Variants in KHDRBS2 observed in about 807,000 individuals in gnomAD.
The protein encoded by KHDRBS2 is KH domain-containing, RNA-binding, signal transduction-associated protein 2.
Under a neutral mutation model 44.3 loss-of-function variants are expected in KHDRBS2, and 26 were observed. That is an observed-to-expected ratio of 0.59 (90% CI 0.43 to 0.81). The LOEUF is 0.81. Ranked by LOEUF, KHDRBS2 falls within the 40% of genes least tolerant of loss-of-function variation. KHDRBS2 has a pLI of 0.00. For missense variants in KHDRBS2, 476 were observed against 433.1 expected (o/e 1.10, Z -0.88); for synonymous variants, 194 against 151.1 (o/e 1.28, Z -2.08).
chr6:62,041,058 C>T (rs1296455934), intron 3 of KHDRBS2, among the ~76,000 whole-genome samples: 2 of 152,052 alleles, frequency 1.3e-5, no homozygotes, highest in African/African-American at 2.4e-5. Flanking sequence ...AGGCCAAGCA[C>T]GGTGGCTCAC....
intron 4 of KHDRBS2, among the ~76,000 whole-genome samples, chr6:61,974,611 G>A (rs1772122146): frequency 1.0e-5 from 1 of 99,952 alleles, no homozygotes. Context: ...GTGTTTTATT[G>A]ACCCTTGACA....
At chr6:62,100,641 A>C (rs774280294) in intron 2 of KHDRBS2, among the ~76,000 whole-genome samples, 8 of 152,210 alleles carry the variant, frequency 5.3e-5, no homozygotes, top group Non-Finnish European at 1.0e-4. Context: ...AACCAGCAAA[A>C]AGACTGACTC....
chr6:62,212,202 T>C (rs1319961867), intron 1 of KHDRBS2, among the ~76,000 whole-genome samples: 3 of 152,124 alleles, frequency 2.0e-5, no homozygotes, highest in Non-Finnish European at 4.4e-5. Flanking sequence ...CTATATATGT[T>C]ACATATATAG....
At chr6:62,087,774 T>C (rs1798682515) in intron 2 of KHDRBS2, among the ~76,000 whole-genome samples, 1 of 152,192 alleles carries the variant, frequency 6.6e-6, no homozygotes, top group African/African-American at 2.4e-5. Flanking sequence ...CTGGATAATA[T>C]CCTGAAGAGT....
the KHDRBS2 span, among the ~76,000 whole-genome samples, chr6:61,664,055 G>A: frequency 1.3e-5 from 2 of 151,736 alleles, no homozygotes; most frequent in Non-Finnish European, 2.9e-5. Context: ...CCAGTCAAAG[G>A]TGAAACTTGG....
the KHDRBS2 span, among the ~76,000 whole-genome samples, chr6:61,576,333 T>TA: frequency 3.6e-3 from 545 of 152,228 alleles, 4 homozygotes; most frequent in Middle Eastern, 6.8e-3. Flanking sequence ...GGTATATATA[T>TA]TTTTTGTAGC....
At chr6:62,163,003 G>A (rs1051956358) in intron 2 of KHDRBS2, among the ~76,000 whole-genome samples, 1 of 152,034 alleles carries the variant, frequency 6.6e-6, no homozygotes, top group African/African-American at 2.4e-5. Flanking sequence ...AAGTAAGTAA[G>A]TCTTGGAGAG....
the KHDRBS2 span, among the ~76,000 whole-genome samples, chr6:61,655,174 G>GGTCTGTA: frequency 1.3e-5 from 2 of 150,676 alleles, no homozygotes; most frequent in African/African-American, 4.9e-5. Flanking sequence ...GGAATAGGAA[G>GGTCTGTA]GTCTGTATTC....
At chr6:61,657,808 C>T in the KHDRBS2 span, among the ~76,000 whole-genome samples, 1 of 151,914 alleles carries the variant, frequency 6.6e-6, no homozygotes, top group South Asian at 2.1e-4. Flanking sequence ...TCCACCTGTC[C>T]TTCCTTCCCT....
In KHDRBS2 at chr6:62,169,088, C is replaced by A. The variant is rs1263983819; in HGVS notation, c.219+8097G>T. On this transcript the variant is annotated intron_variant, in intron 2 of 8. Coordinates refer to ENST00000281156, the MANE Select transcript of KHDRBS2 (RefSeq NM_152688.4). ...GTATACATGAATATAAATATATACACATTTATATTTATATATACACATATA... is the reference window on the plus strand; with the variant it reads ...GTATACATGAATATAAATATATACAAATTTATATTTATATATACACATATA... 2.6e-4 allele frequency among the ~76,000 whole-genome samples: 26 copies of A among 101,294 alleles called. 1 individual carries two copies. The highest frequency in any genetic ancestry group is 2.3e-3 in the Admixed American group (23 of 9,908). 66.5% of individuals were successfully genotyped at this position (101,294 alleles called of 152,430 possible). A position where few individuals can be genotyped will look rare whatever the true frequency, so the allele number is the denominator to read the frequency against.
Position 61,762,169 on chromosome 6 carries a change from T to G in KHDRBS2, c.811-29405A>C, listed in dbSNP as rs115667161. On this transcript the variant is annotated intron_variant, in intron 6 of 8. Coordinates refer to ENST00000281156, the MANE Select transcript of KHDRBS2 (RefSeq NM_152688.4). ...AGTATTCTATGAGAATAAAATAAAT[T>G]GAGAATTTGGGGAAATCCCCTAGAA... is the stretch of plus-strand genomic sequence containing the variant. Among the ~76,000 whole-genome samples, 673 of 152,238 alleles carry G rather than the reference T, an allele frequency of 4.4e-3. 9 individuals are homozygous for G. Among genetic ancestry groups the G allele is most frequent in the African/African-American group, 0.016 (646 of 41,548 alleles).
intron 2 of KHDRBS2, among the ~76,000 whole-genome samples, chr6:62,055,099 A>C (rs1789968376): frequency 6.6e-6 from 1 of 152,076 alleles, no homozygotes; most frequent in South Asian, 2.1e-4. Flanking sequence ...AATAACTGTA[A>C]AATAAAATTT....
the KHDRBS2 span, among the ~76,000 whole-genome samples, chr6:61,605,192 C>T: frequency 3.3e-5 from 5 of 152,098 alleles, no homozygotes; most frequent in Non-Finnish European, 7.3e-5. Flanking sequence ...TTATTAGGCC[C>T]CAGTCTCATT....
rs548448089 is a variant in KHDRBS2 at position 61,931,680 on chromosome 6, T to C, written c.484-30309A>G. Among the ~76,000 whole-genome samples, 24 of 152,322 alleles carry C rather than the reference T, an allele frequency of 1.6e-4. No individual in the cohort carries two copies. The South Asian group carries it at 4.4e-3, about 28-fold the overall frequency. On this transcript the variant is annotated intron_variant, in intron 4 of 8. Coordinates refer to ENST00000281156, the MANE Select transcript of KHDRBS2 (RefSeq NM_152688.4). ...TTGCATGCTTTTACTGTGTACAACATGATGTTTTGAAGTACAGTTACCCTT... is the reference window on the plus strand; with the variant it reads ...TTGCATGCTTTTACTGTGTACAACACGATGTTTTGAAGTACAGTTACCCTT...
chr6:61,605,603 A>G, the KHDRBS2 span, among the ~76,000 whole-genome samples: 2 of 151,990 alleles, frequency 1.3e-5, no homozygotes, highest in African/African-American at 4.8e-5. Flanking sequence ...CTAAATGACA[A>G]ATGTTTCTTC....
At chr6:62,058,799 A>G (rs1230455163) in intron 2 of KHDRBS2, among the ~76,000 whole-genome samples, 1 of 151,876 alleles carries the variant, frequency 6.6e-6, no homozygotes, top group Non-Finnish European at 1.5e-5. Context: ...GTGTAGCAAA[A>G]TAGACAATGA....
At chr6:62,166,770 G>A (rs1270638993) in intron 2 of KHDRBS2, among the ~76,000 whole-genome samples, 1 of 151,880 alleles carries the variant, frequency 6.6e-6, no homozygotes, top group Non-Finnish European at 1.5e-5. Flanking sequence ...GATTATAATG[G>A]TGATATTTCT....
At chr6:62,214,875 C>T (rs1433866150) in intron 1 of KHDRBS2, among the ~76,000 whole-genome samples, 1 of 151,978 alleles carries the variant, frequency 6.6e-6, no homozygotes, top group African/African-American at 2.4e-5. Flanking sequence ...GAGCTGAAAG[C>T]TTTTGTCTCT....
At chr6:61,975,030 CA>C (rs1772271105) in intron 4 of KHDRBS2, among the ~76,000 whole-genome samples, 1 of 151,936 alleles carries the variant, frequency 6.6e-6, no homozygotes, top group African/African-American at 2.4e-5. Flanking sequence ...AAATTTTCCC[CA>C]AGGCAATAAT....
Sources: gnomAD v4.1 joint callset for allele counts (sites outside exome capture counted in the v4.1 genomes callset) on GRCh38, gnomAD v4.1.1 for gene constraint, MANE v1.5 for transcripts, NCBI Gene and HGNC (gene_info 2026-07-23, HGNC 2026-07-21) for gene names.